CYSTM1: variants seen among roughly 807,000 people sequenced by gnomAD.
CYSTM1 encodes cysteine rich transmembrane module containing 1.
A neutral mutation model predicts 13.1 loss-of-function variants in CYSTM1; 4 were observed. The observed-to-expected ratio is 0.31, with a 90% CI of 0.15 to 0.70. The LOEUF is 0.70. CYSTM1 is among the 30% of genes least tolerant of loss of function. The probability of loss-of-function intolerance (pLI) is 0.72; values close to 1 mark genes in which losing one functional copy is unlikely to be tolerated. For missense variants in CYSTM1, 96 were observed against 121.6 expected (o/e 0.79, Z 0.99); for synonymous variants, 36 against 42.7 (o/e 0.84, Z 0.62).
At chr5:140,194,799 C>A in intron 2 of CYSTM1, 147 bp downstream of exon 2, 1 of 1,047,874 alleles carries the variant, frequency 9.5e-7, no homozygotes, top group Non-Finnish European at 1.4e-6. Context: ...AGGGTGGATT[C>A]TCACTCCTGA....
chr5:140,192,217 G>A (rs948701855), intron 1 of CYSTM1, among the ~76,000 whole-genome samples: 10 of 152,154 alleles, frequency 6.6e-5, no homozygotes, highest in South Asian at 2.1e-4. Flanking sequence ...AGGTTTAAGC[G>A]CCTACTCCTA....
At chr5:140,240,114 G>A (rs1311229141) in intron 2 of CYSTM1, among the ~76,000 whole-genome samples, 1 of 152,098 alleles carries the variant, frequency 6.6e-6, no homozygotes, top group Non-Finnish European at 1.5e-5. Context: ...CTCTTCCCAG[G>A]TTGGGCACTG....
intron 1 of CYSTM1, among the ~76,000 whole-genome samples, chr5:140,185,141 TA>T (rs1236217880): frequency 6.6e-6 from 1 of 152,264 alleles, no homozygotes; most frequent in East Asian, 1.9e-4. Context: ...TTGTATCAGA[TA>T]TTTTTTGTGA....
At chr5:140,215,141 T>G (rs942366007) in intron 2 of CYSTM1, among the ~76,000 whole-genome samples, 1 of 152,154 alleles carries the variant, frequency 6.6e-6, no homozygotes, top group Non-Finnish European at 1.5e-5. Flanking sequence ...CTCTAAAGAT[T>G]CTCATAGATT....
intron 2 of CYSTM1, among the ~76,000 whole-genome samples, chr5:140,206,506 G>A (rs1764299625): frequency 6.6e-6 from 1 of 152,102 alleles, no homozygotes; most frequent in Non-Finnish European, 1.5e-5. Flanking sequence ...GCCTTACCTT[G>A]GGTTCCTTTT....
intron 1 of CYSTM1, among the ~76,000 whole-genome samples, chr5:140,184,316 C>T (rs1295790712): frequency 6.6e-6 from 1 of 151,812 alleles, no homozygotes; most frequent in Non-Finnish European, 1.5e-5. Context: ...ATTGGAAATA[C>T]CATGGTTTAT....
chr5:140,183,442 C>A (rs1162413410), intron 1 of CYSTM1, among the ~76,000 whole-genome samples: 1 of 152,154 alleles, frequency 6.6e-6, no homozygotes, highest in East Asian at 1.9e-4. Context: ...ATTTGAAGTT[C>A]CAATTATAAT....
Position 140,194,524 on chromosome 5 carries a change from C to T in CYSTM1, c.59C>T (p.Pro20Leu). Residue 20 changes from proline to leucine, a missense_variant, in exon 2 of 3, where the codon CCT becomes CTT. Physicochemically the swap from Pro to Leu is moderately conservative, Grantham distance 98. Transcript: ENST00000261811. ...CCTGGTCCAACGGCCCCATACCCAC[C>T]TTATCCACCACAACCAATGGGTCCA... Reference protein sequence around the residue: ...PGPGPTAPYPPYPPQPMGPGP... With the variant: ...PGPGPTAPYPLYPPQPMGPGP... 3.7e-6 allele frequency: 6 copies of T among 1,613,438 alleles called. No homozygotes were observed. The highest frequency in any genetic ancestry group is 5.1e-6 in the Non-Finnish European group (6 of 1,179,762).
intron 2 of CYSTM1, among the ~76,000 whole-genome samples, chr5:140,205,699 T>C (rs1353501653): frequency 6.6e-6 from 1 of 152,222 alleles, no homozygotes; most frequent in Non-Finnish European, 1.5e-5. Flanking sequence ...GGCACCTTGA[T>C]GAGCAGTGAG....
chr5:140,186,618 G>A (rs1440500557), intron 1 of CYSTM1, among the ~76,000 whole-genome samples: 2 of 152,102 alleles, frequency 1.3e-5, no homozygotes, highest in African/African-American at 4.8e-5. Flanking sequence ...GTGATTGCTG[G>A]TGTTATTGTC....
At position 140,243,585 on chromosome 5, in the gene CYSTM1, CTT is replaced by C; in HGVS notation, c.*175_*176del. ...GGGTTGCTACTGTTTAATTCAGTGACTTGATCTTTTTAATGTCCAAAATCCAT... is the reference window on the plus strand; with the variant it reads ...GGGTTGCTACTGTTTAATTCAGTGACGATCTTTTTAATGTCCAAAATCCAT... On this transcript the variant is annotated 3_prime_UTR_variant, in exon 3 of 3. Coordinates refer to ENST00000261811, the MANE Select transcript of CYSTM1 (RefSeq NM_032412.4). 1 of 516,124 alleles carries C rather than the reference CTT, an allele frequency of 1.9e-6. No individual in the cohort carries two copies. The highest frequency in any genetic ancestry group is 3.4e-6 in the Non-Finnish European group (1 of 294,702). 32.0% of individuals were successfully genotyped at this position (516,124 alleles called of 1,614,324 possible).
At chr5:140,201,001 G>T (rs534741348) in intron 2 of CYSTM1, 1 of 152,278 alleles carries the variant, frequency 6.6e-6, no homozygotes, top group South Asian at 2.1e-4. Context: ...CTATGTTGTA[G>T]CATGTATCAA....
chr5:140,185,303 G>C (rs112763681), intron 1 of CYSTM1, among the ~76,000 whole-genome samples: 6 of 152,144 alleles, frequency 3.9e-5, no homozygotes, highest in Non-Finnish European at 4.4e-5. Flanking sequence ...GTATCATTTT[G>C]TACTCCATAG....
At position 140,194,528 on chromosome 5, in the gene CYSTM1, T is replaced by C; in HGVS notation, c.63T>C (p.Tyr21=). 1 of 1,613,398 alleles carries C rather than the reference T, an allele frequency of 6.2e-7. No homozygotes were observed. ...GTCCAACGGCCCCATACCCACCTTA[T>C]CCACCACAACCAATGGGTCCAGGAC... ...GPGPTAPYPP[Y]PPQPMGPGPM... Residue 21 remains tyrosine (Y), a synonymous_variant, in exon 2 of 3, where the codon TAT becomes TAC. Coordinates refer to ENST00000261811, the MANE Select transcript of CYSTM1 (RefSeq NM_032412.4).
At chr5:140,243,052 A>C (rs76449516) in intron 2 of CYSTM1, among the ~76,000 whole-genome samples, 1 of 152,336 alleles carries the variant, frequency 6.6e-6, no homozygotes, top group East Asian at 1.9e-4. Context: ...GCATGGGGCC[A>C]TTCTGCAAGT....
At chr5:140,210,982 G>A (rs1421440033) in intron 2 of CYSTM1, among the ~76,000 whole-genome samples, 1 of 152,194 alleles carries the variant, frequency 6.6e-6, no homozygotes, top group Non-Finnish European at 1.5e-5. Flanking sequence ...TGGACAGGCT[G>A]TGTTTCTGAG....
intron 1 of CYSTM1, among the ~76,000 whole-genome samples, chr5:140,183,680 C>G (rs975651050): frequency 4.6e-5 from 7 of 152,310 alleles, no homozygotes; most frequent in African/African-American, 1.4e-4. Context: ...GCTGACAATG[C>G]CAGGATCCAT....
chr5:140,219,679 C>T lies in CYSTM1; in HGVS notation c.188-23626C>T, dbSNP rs1372078990. Among the ~76,000 whole-genome samples the T allele has an allele frequency of 1.3e-5, 2 of 152,172 alleles. No homozygotes were observed. Among genetic ancestry groups the T allele is most frequent in the Non-Finnish European group, 2.9e-5 (2 of 68,034 alleles). On this transcript the variant is annotated intron_variant, in intron 2 of 2. Transcript: ENST00000261811. The surrounding 1 kb of genome is among the most constrained non-coding windows in gnomAD (Gnocchi z 4.1). ...TAATCAGTAACACAGGAATCTGGTA[C>T]CTTTTGAAGCCAGTTATGGTCTGTA...
At chr5:140,232,915 T>C (rs1764633581) in intron 2 of CYSTM1, among the ~76,000 whole-genome samples, 1 of 152,190 alleles carries the variant, frequency 6.6e-6, no homozygotes, top group Non-Finnish European at 1.5e-5. Flanking sequence ...TCAAGAAGAC[T>C]ATGTCCTCTG....
Sources: allele counts gnomAD v4.1 joint callset (sites outside exome capture counted in the v4.1 genomes callset), GRCh38; gene constraint gnomAD v4.1.1; non-coding constraint Gnocchi (gnomAD v3.1); transcripts MANE v1.5; gene names NCBI Gene and HGNC (gene_info 2026-07-23, HGNC 2026-07-21).